Variants in BTF3L4 observed in about 807,000 individuals in gnomAD.
BTF3L4 encodes transcription factor BTF3 homolog 4.
In BTF3L4, 6 loss-of-function variants were observed where a neutral mutation model predicts 16.8. That is an observed-to-expected ratio of 0.36 (90% CI 0.20 to 0.71). The LOEUF is 0.71. BTF3L4 is among the 30% of genes least tolerant of loss of function. The pLI, the probability that BTF3L4 is intolerant of heterozygous loss-of-function variation, is 0.58. For missense variants in BTF3L4, 92 were observed against 186.9 expected, an observed-to-expected ratio of 0.49 and a Z score of 2.96; for synonymous variants, 39 against 59.8, an observed-to-expected ratio of 0.65 and a Z score of 1.60.
At chr1:52,059,741 T>C in intron 1 of BTF3L4, 94 bp from the exon 2 acceptor site, 1 of 1,011,538 alleles carries the variant, frequency 9.9e-7, no homozygotes, top group Non-Finnish European at 1.5e-6. Context: ...TGATGCATAC[T>C]ACAAGCTCAG....
intron 3 of BTF3L4, among the ~76,000 whole-genome samples, chr1:52,073,803 G>A (rs557076278): frequency 6.6e-6 from 1 of 150,556 alleles, no homozygotes; most frequent in African/African-American, 2.4e-5. Context: ...TTCAAGACCA[G>A]CTTGGCCGAG....
intron 3 of BTF3L4, among the ~76,000 whole-genome samples, chr1:52,065,929 T>C (rs1420500456): frequency 6.6e-6 from 1 of 151,900 alleles, no homozygotes; most frequent in Non-Finnish European, 1.5e-5. Flanking sequence ...TCCCAGCTAC[T>C]CGGGAGGCTA....
rs1347470615 is a variant in BTF3L4, at chr1:52,089,553, C to T, written c.*2795C>T. On this transcript the variant is annotated 3_prime_UTR_variant, in exon 6 of 6. Coordinates refer to ENST00000313334, the MANE Select transcript of BTF3L4 (RefSeq NM_152265.5). ...TAACTAGTTAAATATGTGCTTCTTA[C>T]TAAGATTAGGTATTTTTTGCCAAGA... 3 of 152,194 alleles carry T rather than the reference C, an allele frequency of 2.0e-5. No homozygotes were observed. The highest frequency in any genetic ancestry group is 2.1e-4 in the South Asian group (1 of 4,822). The allele number at this position is 152,194 out of a possible 1,614,324, so 9.4% of individuals were successfully genotyped here.
chr1:52,060,330 A>G (rs1319251083), intron 2 of BTF3L4: 1 of 419,394 alleles, frequency 2.4e-6, no homozygotes, highest in Non-Finnish European at 4.1e-6. Flanking sequence ...AGGGCATACC[A>G]GATGTTAGGG....
chr1:52,058,581 G>A (rs1686431814), intron 1 of BTF3L4, among the ~76,000 whole-genome samples: 1 of 151,394 alleles, frequency 6.6e-6, no homozygotes, highest in African/African-American at 2.4e-5. Context: ...TGCAGAACAA[G>A]TAAAACAAGA....
intron 3 of BTF3L4, among the ~76,000 whole-genome samples, chr1:52,069,490 A>G (rs1343682618): frequency 6.6e-6 from 1 of 152,218 alleles, no homozygotes; most frequent in African/African-American, 2.4e-5. Flanking sequence ...GAACATATAT[A>G]TATGTCAGAG....
rs1022136652 is a variant in BTF3L4, at chr1:52,088,705, T to G, written c.*1947T>G. ...AGGAGACTTGTGTCCTAGTCAAAAC[T>G]CTGGCATTATGTGACCTTGGACAGG... On this transcript the variant is annotated 3_prime_UTR_variant, in exon 6 of 6. Coordinates refer to ENST00000313334, the MANE Select transcript of BTF3L4 (RefSeq NM_152265.5). The G allele has an allele frequency of 3.3e-5, 5 of 152,212 alleles. No individual in the cohort carries two copies. The highest frequency in any genetic ancestry group is 4.8e-5 in the African/African-American group (2 of 41,440). The allele number at this position is 152,212 out of a possible 1,614,324, so 9.4% of individuals were successfully genotyped here. A position where few individuals can be genotyped will look rare whatever the true frequency, so the allele number is the denominator to read the frequency against.
Position 52,064,761 on chromosome 1 carries a change from T to C in BTF3L4, c.55-64T>C, listed in dbSNP as rs1053825940. The C allele has an allele frequency of 1.9e-5, 17 of 876,708 alleles. No individual in the cohort carries two copies. The East Asian group carries it at 2.2e-4, about 12-fold the overall frequency. The allele number at this position is 876,708 out of a possible 1,614,324, so 54.3% of individuals were successfully genotyped here. On this transcript the variant is annotated intron_variant, in intron 2 of 5. Transcript: ENST00000313334. ...TTTTAGATTATTGTGATACGTAAGA[T>C]GTGATTGCAGTTGCCAGATGCCAGG...
At chr1:52,066,145 A>T (rs987564938) in intron 3 of BTF3L4, among the ~76,000 whole-genome samples, 1 of 152,188 alleles carries the variant, frequency 6.6e-6, no homozygotes, top group African/African-American at 2.4e-5. Flanking sequence ...AAATAACAAC[A>T]ACTACTTGTG....
At position 52,089,855 on chromosome 1, in the gene BTF3L4, G is replaced by A. The variant is rs1018642453; in HGVS notation, c.*3097G>A. The A allele has an allele frequency of 6.6e-6, 1 of 152,162 alleles. No individual in the cohort carries two copies. The highest frequency in any genetic ancestry group is 1.5e-5 in the Non-Finnish European group (1 of 68,030). 9.4% of individuals were successfully genotyped at this position (152,162 alleles called of 1,614,324 possible). A position where few individuals can be genotyped will look rare whatever the true frequency, so the allele number is the denominator to read the frequency against. ...CTTAATTTGTTGTTAAGTAGCTAGT[G>A]CTTACAGGATTCCATTAAATTCACT... On this transcript the variant is annotated 3_prime_UTR_variant, in exon 6 of 6. Coordinates refer to ENST00000313334, the MANE Select transcript of BTF3L4 (RefSeq NM_152265.5).
At chr1:52,056,804 A>T (rs1239270841) in intron 1 of BTF3L4, among the ~76,000 whole-genome samples, 1 of 152,226 alleles carries the variant, frequency 6.6e-6, no homozygotes, top group Non-Finnish European at 1.5e-5. Context: ...GAGTCCAGGG[A>T]ACCGAACTCA....
intron 4 of BTF3L4, among the ~76,000 whole-genome samples, chr1:52,085,892 CA>C (rs746606936): frequency 3.3e-4 from 50 of 152,104 alleles, no homozygotes; most frequent in Non-Finnish European, 4.3e-4. Flanking sequence ...ATCTTTGTCA[CA>C]CATGGAAATT....
intron 1 of BTF3L4, among the ~76,000 whole-genome samples, chr1:52,059,003 C>A (rs557658495): frequency 6.6e-6 from 1 of 152,118 alleles, no homozygotes; most frequent in Non-Finnish European, 1.5e-5. Context: ...AGACTAGATT[C>A]ATGACTATAA....
chr1:52,075,580 A>T (rs931596905), intron 3 of BTF3L4, among the ~76,000 whole-genome samples: 42 of 147,356 alleles, frequency 2.9e-4, no homozygotes, highest in African/African-American at 9.8e-4. Flanking sequence ...TTTAAAATAT[A>T]TATTATATAT....
intron 3 of BTF3L4, among the ~76,000 whole-genome samples, chr1:52,073,386 A>G (rs1453307970): frequency 2.6e-5 from 4 of 152,052 alleles, no homozygotes; most frequent in Admixed American, 2.6e-4. Context: ...ATTCAACCAT[A>G]ATCCCTACCA....
intron 4 of BTF3L4, among the ~76,000 whole-genome samples, chr1:52,085,077 G>C (rs1335309740): frequency 7.8e-6 from 1 of 127,506 alleles, no homozygotes; most frequent in Non-Finnish European, 1.6e-5. Context: ...CTGGAGTGCA[G>C]TGGCATGATC....
intron 3 of BTF3L4, 44 bp downstream of exon 3, chr1:52,064,982 C>A (rs761510181): frequency 8.6e-7 from 1 of 1,164,982 alleles, no homozygotes. Context: ...GGTACATGCA[C>A]AAATAATTGT....
intron 2 of BTF3L4, chr1:52,060,317 T>A: frequency 2.8e-6 from 1 of 361,942 alleles, no homozygotes; most frequent in Admixed American, 3.6e-5. Flanking sequence ...TAGACTCACT[T>A]GCAGGGCATA....
chr1:52,064,320 A>G (rs1686592117), intron 2 of BTF3L4, among the ~76,000 whole-genome samples: 1 of 152,114 alleles, frequency 6.6e-6, no homozygotes, highest in African/African-American at 2.4e-5. Flanking sequence ...TCTTAATAGT[A>G]CTTAATCCCA....
Sources: allele counts gnomAD v4.1 joint callset (sites outside exome capture counted in the v4.1 genomes callset), GRCh38; gene constraint gnomAD v4.1.1; transcripts MANE v1.5; gene names NCBI Gene and HGNC (gene_info 2026-07-23, HGNC 2026-07-21).